The following CNTN5 variants were observed in gnomAD, a reference collection of about 807,000 sequenced individuals.
The protein encoded by CNTN5 is contactin-5.
A neutral mutation model predicts 129.1 loss-of-function variants in CNTN5; 77 were observed. That is an observed-to-expected ratio of 0.60 (90% CI 0.50 to 0.72). The LOEUF is 0.72. Ranked by LOEUF, CNTN5 falls within the 30% of genes least tolerant of loss-of-function variation. CNTN5 has a pLI of 0.00. For synonymous variants in CNTN5, 509 were observed against 465.6 expected (o/e 1.09, Z -1.20); for missense variants, 1,478 against 1,328.8 (o/e 1.11, Z -1.75).
chr11:99,162,105 A>G (rs1429934163), intron 1 of CNTN5, among the ~76,000 whole-genome samples: 2 of 151,778 alleles, frequency 1.3e-5, no homozygotes, highest in Admixed American at 6.6e-5. Context: ...TTTTTTTCCT[A>G]GAAAGAAAAT....
intron 13 of CNTN5, among the ~76,000 whole-genome samples, chr11:100,161,872 C>A (rs888657952): frequency 5.5e-5 from 7 of 127,672 alleles, no homozygotes; most frequent in African/African-American, 9.0e-5. Context: ...CACACACACA[C>A]AAAACAAAAA....
chr11:100,337,308 T>A, intron 21 of CNTN5: 1 of 1,014,138 alleles, frequency 9.9e-7, no homozygotes, highest in South Asian at 1.3e-5. Flanking sequence ...CTGGAGGATA[T>A]GAATGAGTTC....
At chr11:99,979,771 CT>C (rs1938217975) in intron 8 of CNTN5, among the ~76,000 whole-genome samples, 1 of 152,148 alleles carries the variant, frequency 6.6e-6, no homozygotes, top group Non-Finnish European at 1.5e-5. Flanking sequence ...AGAAAAATGT[CT>C]TTGGATCCAA....
intron 1 of CNTN5, among the ~76,000 whole-genome samples, chr11:99,167,576 A>G (rs1860930707): frequency 6.6e-6 from 1 of 152,112 alleles, no homozygotes; most frequent in Non-Finnish European, 1.5e-5. Context: ...GGGAATGCAA[A>G]ATCTCATATG....
chr11:99,444,126 G>A (rs778987690), intron 2 of CNTN5, among the ~76,000 whole-genome samples: 3 of 152,096 alleles, frequency 2.0e-5, no homozygotes, highest in Non-Finnish European at 2.9e-5. Context: ...TTGAACCCAG[G>A]GGGTGGAGGT....
chr11:99,838,514 A>G (rs563867560), intron 4 of CNTN5, among the ~76,000 whole-genome samples: 2 of 152,318 alleles, frequency 1.3e-5, no homozygotes, highest in Admixed American at 1.3e-4. Context: ...ATTTAAAACA[A>G]CAATCAAGCA....
intron 15 of CNTN5, among the ~76,000 whole-genome samples, chr11:100,204,102 T>A (rs143281289): frequency 2.4e-4 from 36 of 150,894 alleles, no homozygotes; most frequent in African/African-American, 7.3e-4. Context: ...TTTGCTCAGT[T>A]TTTTTTCCTC....
At chr11:99,701,424 T>G (rs1356501608) in intron 3 of CNTN5, among the ~76,000 whole-genome samples, 1 of 151,230 alleles carries the variant, frequency 6.6e-6, no homozygotes, top group Non-Finnish European at 1.5e-5. Context: ...TTGTAGAATA[T>G]GAAGAGAAGA....
intron 2 of CNTN5, among the ~76,000 whole-genome samples, chr11:99,463,044 G>A (rs1412749987): frequency 6.6e-6 from 1 of 150,796 alleles, no homozygotes; most frequent in East Asian, 2.0e-4. Context: ...GGAGGCGGAG[G>A]TTGCAGTGAG....
intron 3 of CNTN5, among the ~76,000 whole-genome samples, chr11:99,731,195 G>GGCCC (rs1943521337): frequency 6.6e-6 from 1 of 151,248 alleles, no homozygotes; most frequent in Non-Finnish European, 1.5e-5. Flanking sequence ...TGCAAGCTCC[G>GGCCC]CTTCCGGGTT....
intron 7 of CNTN5, among the ~76,000 whole-genome samples, chr11:99,916,538 A>C (rs191755689): frequency 1.3e-3 from 195 of 152,232 alleles, no homozygotes; most frequent in African/African-American, 4.6e-3. Context: ...TAAACTGGAT[A>C]CTTAGTTGTT....
intron 1 of CNTN5, among the ~76,000 whole-genome samples, chr11:99,230,755 C>T (rs1401225112): frequency 1.3e-5 from 2 of 152,082 alleles, no homozygotes; most frequent in African/African-American, 4.8e-5. Flanking sequence ...CCTATCAAAC[C>T]ATCACATAGG....
intron 21 of CNTN5, among the ~76,000 whole-genome samples, chr11:100,323,971 G>T (rs116035108): frequency 3.3e-5 from 5 of 151,998 alleles, no homozygotes; most frequent in Non-Finnish European, 7.4e-5. Flanking sequence ...AAATTTTAAA[G>T]ATTAATATTC....
chr11:99,961,691 C>T (rs1472952322), intron 8 of CNTN5, among the ~76,000 whole-genome samples: 1 of 152,118 alleles, frequency 6.6e-6, no homozygotes, highest in Non-Finnish European at 1.5e-5. Flanking sequence ...GCAAAAAGTC[C>T]AAAGACTCAT....
rs565990286 is a variant in CNTN5 at position 100,355,045 on chromosome 11, AT to A, written c.3200-1066del. Among the ~76,000 whole-genome samples the A allele has an allele frequency of 1.4e-3, 214 of 151,542 alleles. 1 individual carries two copies. Among genetic ancestry groups the A allele is most frequent in the African/African-American group, 4.9e-3 (201 of 41,412 alleles). On this transcript the variant is annotated intron_variant, in intron 24 of 24. Coordinates refer to ENST00000524871, the MANE Select transcript of CNTN5 (RefSeq NM_014361.4). ...AGGCTATATTACATTTATAAAAACA[AT>A]TTTTTCTCTAATAAACTTAGCTTAC...
chr11:99,167,952 TG>T (rs112160323), intron 1 of CNTN5, among the ~76,000 whole-genome samples: 6,915 of 148,760 alleles, frequency 0.046, 494 homozygotes, highest in African/African-American at 0.15. Context: ...TTTTTTTTTT[TG>T]GAGATAGCAT....
chr11:99,192,996 G>A lies in CNTN5; in HGVS notation c.-209-132350G>A, dbSNP rs533380850. ...ATGAGTAACACTTGAGAAAAACAAA[G>A]TGATAATCTCATTATGAAGGTTCAA... On this transcript the variant is annotated intron_variant, in intron 1 of 24. Transcript: ENST00000524871. Among the ~76,000 whole-genome samples, 46 of 152,156 alleles carry A rather than the reference G, an allele frequency of 3.0e-4. No homozygotes were observed. The South Asian group carries it at 6.0e-3, about 20-fold the overall frequency.
chr11:99,613,306 A>G (rs957633808), intron 3 of CNTN5, among the ~76,000 whole-genome samples: 5 of 152,118 alleles, frequency 3.3e-5, no homozygotes, highest in Admixed American at 3.3e-4. Context: ...ATGGTTTTAT[A>G]AGGGGCTCTT....
intron 13 of CNTN5, among the ~76,000 whole-genome samples, chr11:100,104,678 T>C (rs1349475591): frequency 1.3e-5 from 2 of 152,162 alleles, no homozygotes; most frequent in Non-Finnish European, 2.9e-5. Flanking sequence ...TGTTTTCCTT[T>C]GAGGAAAATA....
Sources: gnomAD v4.1 joint callset for allele counts (sites outside exome capture counted in the v4.1 genomes callset) on GRCh38, gnomAD v4.1.1 for gene constraint, MANE v1.5 for transcripts, NCBI Gene and HGNC (gene_info 2026-07-23, HGNC 2026-07-21) for gene names.